The following CDH18 variants were observed in gnomAD, a reference collection of about 807,000 sequenced individuals.
CDH18 encodes cadherin 18.
Under a neutral mutation model 67.9 loss-of-function variants are expected in CDH18, and 31 were observed. The observed-to-expected ratio is 0.46, with a 90% CI of 0.34 to 0.62. The LOEUF (loss-of-function observed/expected upper bound fraction) is 0.62, where lower values mean the gene tolerates loss of function less well. Among genes scored for constraint, CDH18 ranks in the 20% least tolerant of loss-of-function variants. The pLI is 0.01. For synonymous variants in CDH18, 362 were observed against 347.2 expected (o/e 1.04, Z -0.48); for missense variants, 890 against 975.5 (o/e 0.91, Z 1.17).
intron 7 of CDH18, among the ~76,000 whole-genome samples, chr5:19,585,245 G>C (rs942212096): frequency 2.0e-5 from 3 of 152,068 alleles, no homozygotes; most frequent in African/African-American, 7.2e-5. Context: ...AGCCATGTAA[G>C]GTGGTGAGAT....
At chr5:20,411,117 A>G (rs947297091) in intron 1 of CDH18, among the ~76,000 whole-genome samples, 3 of 152,016 alleles carry the variant, frequency 2.0e-5, no homozygotes, top group Admixed American at 6.6e-5. Flanking sequence ...TCAAATTCAT[A>G]TGGAAACACA....
chr5:19,616,863 G>A (rs934513666), intron 5 of CDH18, among the ~76,000 whole-genome samples: 6 of 152,132 alleles, frequency 3.9e-5, no homozygotes, highest in Admixed American at 3.9e-4. Context: ...GATGGCCACC[G>A]TCTTACCATG....
chr5:19,850,947 A>G (rs1783611016), intron 2 of CDH18, among the ~76,000 whole-genome samples: 1 of 151,858 alleles, frequency 6.6e-6, no homozygotes. Flanking sequence ...AAGGCAACAT[A>G]TTTGCATAAC....
intron 1 of CDH18, among the ~76,000 whole-genome samples, chr5:20,310,204 T>G (rs1490961421): frequency 6.6e-6 from 1 of 152,210 alleles, no homozygotes; most frequent in Non-Finnish European, 1.5e-5. Flanking sequence ...ATTTTTCTCC[T>G]TTATTTTCCA....
intron 1 of CDH18, among the ~76,000 whole-genome samples, chr5:20,513,818 C>T (rs191479714): frequency 6.6e-6 from 1 of 152,040 alleles, no homozygotes; most frequent in Non-Finnish European, 1.5e-5. Flanking sequence ...AAAGCTTGCA[C>T]AGCAAATCGC....
At chr5:20,156,491 G>T (rs866466554) in intron 2 of CDH18, among the ~76,000 whole-genome samples, 1 of 152,098 alleles carries the variant, frequency 6.6e-6, no homozygotes, top group South Asian at 2.1e-4. Context: ...GTCAAATACC[G>T]TATGTTCTCA....
At chr5:19,641,127 C>A in intron 5 of CDH18, among the ~76,000 whole-genome samples, 1 of 135,642 alleles carries the variant, frequency 7.4e-6, no homozygotes, top group African/African-American at 2.7e-5. Flanking sequence ...TACAACTTAC[C>A]GAATCTAAAT....
chr5:20,542,616 C>A (rs914510704), intron 1 of CDH18, among the ~76,000 whole-genome samples: 2 of 151,696 alleles, frequency 1.3e-5, no homozygotes, highest in East Asian at 3.9e-4. Flanking sequence ...TTTAATGCAA[C>A]TAGATTTCAA....
chr5:19,976,280 G>A (rs1561665906), intron 2 of CDH18, among the ~76,000 whole-genome samples: 1 of 152,072 alleles, frequency 6.6e-6, no homozygotes, highest in Non-Finnish European at 1.5e-5. Flanking sequence ...AAGGTCTTTA[G>A]ATATCACAGA....
intron 2 of CDH18, among the ~76,000 whole-genome samples, chr5:20,167,498 A>G (rs992386493): frequency 1.3e-5 from 2 of 151,864 alleles, no homozygotes; most frequent in Admixed American, 6.6e-5. Context: ...TATATAATGA[A>G]TAAATAAATA....
At chr5:19,717,022 T>C (rs1765423915) in intron 5 of CDH18, among the ~76,000 whole-genome samples, 1 of 152,102 alleles carries the variant, frequency 6.6e-6, no homozygotes, top group Admixed American at 6.6e-5. Flanking sequence ...AAATGTATGA[T>C]CTCCATTACT....
intron 1 of CDH18, among the ~76,000 whole-genome samples, chr5:20,321,473 A>G (rs1272862508): frequency 6.6e-6 from 1 of 152,038 alleles, no homozygotes. Context: ...AGTCAAGCAG[A>G]AACTTAGGAA....
intron 2 of CDH18, among the ~76,000 whole-genome samples, chr5:20,140,134 A>G (rs1750108455): frequency 6.6e-6 from 1 of 152,220 alleles, no homozygotes; most frequent in South Asian, 2.1e-4. Context: ...ATTACTATGC[A>G]GCCATAAAAA....
At chr5:20,463,673 T>G (rs1375173625) in intron 1 of CDH18, among the ~76,000 whole-genome samples, 2 of 152,050 alleles carry the variant, frequency 1.3e-5, no homozygotes, top group African/African-American at 2.4e-5. Flanking sequence ...ATGAGGACAA[T>G]GGGGATTACA....
intron 1 of CDH18, among the ~76,000 whole-genome samples, chr5:20,370,574 T>C (rs1742898494): frequency 6.6e-6 from 1 of 152,146 alleles, no homozygotes; most frequent in African/African-American, 2.4e-5. Context: ...TGCCCTATAT[T>C]GAGTATAGAG....
intron 7 of CDH18, among the ~76,000 whole-genome samples, chr5:19,581,286 T>C (rs1202974429): frequency 2.0e-5 from 3 of 151,986 alleles, no homozygotes; most frequent in African/African-American, 7.2e-5. Flanking sequence ...TACATATCAT[T>C]GCTCTTTCTA....
At chr5:20,144,155 G>A (rs1197407085) in intron 2 of CDH18, among the ~76,000 whole-genome samples, 1 of 152,044 alleles carries the variant, frequency 6.6e-6, no homozygotes, top group Non-Finnish European at 1.5e-5. Context: ...TAGATCCACA[G>A]AGCAGGGCCA....
At chr5:20,192,944 G>T (rs1738665573) in intron 2 of CDH18, among the ~76,000 whole-genome samples, 1 of 152,036 alleles carries the variant, frequency 6.6e-6, no homozygotes, top group Admixed American at 6.6e-5. Context: ...CTTTGGGAGT[G>T]AAGTCATTTT....
At chr5:20,467,530 T>A (rs531522887) in intron 1 of CDH18, among the ~76,000 whole-genome samples, 97 of 152,280 alleles carry the variant, frequency 6.4e-4, no homozygotes, top group African/African-American at 2.3e-3. Context: ...AAATCAATAG[T>A]TTCAGCCATG....
Sources: gnomAD v4.1 joint callset for allele counts (sites outside exome capture counted in the v4.1 genomes callset) on GRCh38, gnomAD v4.1.1 for gene constraint, MANE v1.5 for transcripts, NCBI Gene and HGNC (gene_info 2026-07-23, HGNC 2026-07-21) for gene names.